DDX52: variants seen among roughly 807,000 people sequenced by gnomAD.
DDX52 encodes the protein DExD-box helicase 52, also known as probable ATP-dependent RNA helicase DDX52.
DDX52 carries 59 observed loss-of-function variants against 76.1 expected under a neutral mutation model. That is an observed-to-expected ratio of 0.78 (90% CI 0.63 to 0.96). The LOEUF is 0.96. Ranked by LOEUF, DDX52 falls within the 40% of genes least tolerant of loss-of-function variation. The probability of loss-of-function intolerance (pLI) is 0.00; values close to 1 mark genes in which losing one functional copy is unlikely to be tolerated. For synonymous variants in DDX52, 231 were observed against 244.1 expected (o/e 0.95, Z 0.50); for missense variants, 707 against 703.9 (o/e 1.00, Z -0.05).
chr17:37,631,082 A>C (rs1039173412), intron 4 of DDX52: 79 of 152,362 alleles, frequency 5.2e-4, no homozygotes, highest in African/African-American at 1.9e-3. Flanking sequence ...AAAGAAAATG[A>C]AAAGGACTAG....
Position 37,633,397 on chromosome 17 carries a change from CCTT to C in DDX52, c.305_307del (p.Glu102del), listed in dbSNP as rs753325165. The stretch of plus-strand genomic sequence containing the variant: ...AGATGACATCCACTGTATAGTAGCA[CCTT>C]CTTCTTGGGAAGCAATTTCTAAAAT... On this transcript the variant is annotated inframe_deletion, in exon 3 of 15. Transcript: ENST00000617633. 5.7e-6 allele frequency: 9 copies of C among 1,572,980 alleles called. 1 individual carries two copies. The highest frequency in any genetic ancestry group is 2.5e-5 in the South Asian group (2 of 81,022).
At chr17:37,636,436 A>G (rs2030930745) in intron 2 of DDX52, among the ~76,000 whole-genome samples, 2 of 152,310 alleles carry the variant, frequency 1.3e-5, no homozygotes, top group South Asian at 4.1e-4. Context: ...ATCTATATAT[A>G]AGGGGGTCTT....
chr17:37,641,964 A>G (rs1367445406), intron 2 of DDX52, 146 bp downstream of exon 2: 2 of 945,462 alleles, frequency 2.1e-6, no homozygotes, highest in African/African-American at 1.7e-5. Context: ...CTGTAACAAT[A>G]TTTCTAATGA....
chr17:37,626,949 C>A, intron 6 of DDX52, 89 bp from the exon 7 acceptor site: 1 of 1,030,158 alleles, frequency 9.7e-7, no homozygotes, highest in Non-Finnish European at 1.5e-6. Context: ...CAGTTAATAA[C>A]CTGAAGTGGG....
intron 7 of DDX52, among the ~76,000 whole-genome samples, chr17:37,626,346 C>T (rs963840699): frequency 6.6e-6 from 1 of 151,998 alleles, no homozygotes; most frequent in African/African-American, 2.4e-5. Context: ...GGGAGGTGAC[C>T]GGCTCATGGG....
intron 2 of DDX52, among the ~76,000 whole-genome samples, chr17:37,640,874 C>G (rs891613006): frequency 6.6e-6 from 1 of 151,964 alleles, no homozygotes; most frequent in African/African-American, 2.4e-5. Context: ...GTCCCAGCTA[C>G]TCAGGAGCCT....
At chr17:37,635,600 T>C (rs1014675985) in intron 2 of DDX52, 35 of 455,874 alleles carry the variant, frequency 7.7e-5, no homozygotes, top group Non-Finnish European at 1.2e-4. Flanking sequence ...CAGTTCATCA[T>C]TCACCTGATG....
intron 3 of DDX52, among the ~76,000 whole-genome samples, chr17:37,632,543 TTAAA>T (rs757420368): frequency 3.9e-5 from 6 of 152,236 alleles, no homozygotes; most frequent in Admixed American, 2.0e-4. Context: ...ACTTCTAACC[TTAAA>T]TAAACTTCTT....
intron 8 of DDX52, 133 bp from the exon 9 acceptor site, chr17:37,624,567 G>T: frequency 1.1e-5 from 5 of 474,690 alleles, no homozygotes; most frequent in South Asian, 1.2e-4. Flanking sequence ...AATAAGTACT[G>T]AATTATTTAT....
At chr17:37,641,633 A>C (rs1345369892) in intron 2 of DDX52, among the ~76,000 whole-genome samples, 1 of 152,012 alleles carries the variant, frequency 6.6e-6, no homozygotes, top group Non-Finnish European at 1.5e-5. Flanking sequence ...GCTACTCAGG[A>C]GGCTGAGGCA....
At chr17:37,624,855 CTG>C (rs1449028242) in intron 8 of DDX52, among the ~76,000 whole-genome samples, 1 of 151,948 alleles carries the variant, frequency 6.6e-6, no homozygotes, top group Non-Finnish European at 1.5e-5. Flanking sequence ...TATTAATACT[CTG>C]TAAGATGTTA....
Position 37,610,317 on chromosome 17 carries a change from T to C in DDX52, c.*3979A>G, listed in dbSNP as rs972495009. 1 of 129,720 alleles carries C rather than the reference T, an allele frequency of 7.7e-6. No homozygotes were observed. The highest frequency in any genetic ancestry group is 3.5e-5 in the African/African-American group (1 of 28,720). 8.0% of individuals were successfully genotyped at this position (129,720 alleles called of 1,614,324 possible). A position where few individuals can be genotyped will look rare whatever the true frequency, so the allele number is the denominator to read the frequency against. ...TTTTTTTTTTTTTTTTTTTTTTTTT[T>C]TTGTAGAGATAGGATCTATGTTGCC... is the stretch of plus-strand genomic sequence containing the variant. On this transcript the variant is annotated 3_prime_UTR_variant, in exon 15 of 15. Coordinates refer to ENST00000617633, the MANE Select transcript of DDX52 (RefSeq NM_007010.5).
chr17:37,614,657 CT>C (rs1261537026), intron 14 of DDX52, among the ~76,000 whole-genome samples: 1 of 152,270 alleles, frequency 6.6e-6, no homozygotes, highest in East Asian at 1.9e-4. Context: ...TTACTAAGTG[CT>C]TTACATGTAT....
rs576442612 is a variant in DDX52 at position 37,625,989 on chromosome 17, G to C, written c.1042C>G (p.Arg348Gly). 28 of 1,613,992 alleles carry C rather than the reference G, an allele frequency of 1.7e-5. No individual in the cohort carries two copies. Among genetic ancestry groups the C allele is most frequent in the Non-Finnish European group, 2.4e-5 (28 of 1,180,024 alleles). Residue 348 changes from arginine to glycine, a missense_variant, in exon 8 of 15, where the codon CGA (arginine) becomes GGA (glycine). Physicochemically the swap from Arg to Gly is moderately radical, Grantham distance 125. Coordinates refer to ENST00000617633, the MANE Select transcript of DDX52 (RefSeq NM_007010.5). ...IFLACTSHKV[R>G]RAMFSATFAY... ...AAAGTTGCACTGAACATAGCTCTTC[G>C]GACCTTGTGGGATGTGCAGGCCAGG... is the stretch of plus-strand genomic sequence containing the variant.
At position 37,613,374 on chromosome 17, in the gene DDX52, C is replaced by T. The variant is rs1206636864; in HGVS notation, c.*922G>A. 1 of 152,116 alleles carries T rather than the reference C, an allele frequency of 6.6e-6. No individual in the cohort carries two copies. The highest frequency in any genetic ancestry group is 1.9e-4 in the East Asian group (1 of 5,198). The allele number at this position is 152,116 out of a possible 1,614,324, so 9.4% of individuals were successfully genotyped here. A position where few individuals can be genotyped will look rare whatever the true frequency, so the allele number is the denominator to read the frequency against. ...TAAGAGAATGAAGACAGAGGTATAT[C>T]AAGTAACAAGAACATTCTTCCTTAT... On this transcript the variant is annotated 3_prime_UTR_variant, in exon 15 of 15. Coordinates refer to ENST00000617633, the MANE Select transcript of DDX52 (RefSeq NM_007010.5).
chr17:37,638,661 A>G (rs1451773030), intron 2 of DDX52, among the ~76,000 whole-genome samples: 1 of 152,214 alleles, frequency 6.6e-6, no homozygotes, highest in African/African-American at 2.4e-5. Flanking sequence ...TCTGAAAAAA[A>G]TTTTAGTTCC....
chr17:37,630,302 C>A, intron 4 of DDX52, 129 bp from the exon 5 acceptor site: 1 of 1,042,310 alleles, frequency 9.6e-7, no homozygotes, highest in Non-Finnish European at 1.3e-6. Context: ...TCTTTCAAGT[C>A]ATATCTGCTT....
rs1326825881 is a variant in DDX52 at position 37,614,050 on chromosome 17, G to A, written c.*246C>T. 2 of 415,990 alleles carry A rather than the reference G, an allele frequency of 4.8e-6. No individual in the cohort carries two copies. Among genetic ancestry groups the A allele is most frequent in the East Asian group, 8.5e-5 (2 of 23,518 alleles). The allele number at this position is 415,990 out of a possible 1,614,324, so 25.8% of individuals were successfully genotyped here. A position where few individuals can be genotyped will look rare whatever the true frequency, so the allele number is the denominator to read the frequency against. On this transcript the variant is annotated 3_prime_UTR_variant, in exon 15 of 15. Transcript: ENST00000617633. Reference sequence around the variant, plus strand: ...GGCTAAGGCAGGAGGATTGTGTGAGGTCAGGAGTTCAAGACCAGCCTGGAC... The same window carrying A: ...GGCTAAGGCAGGAGGATTGTGTGAGATCAGGAGTTCAAGACCAGCCTGGAC...
chr17:37,612,731 T>C lies in DDX52; in HGVS notation c.*1565A>G, dbSNP rs983539904. The C allele has an allele frequency of 1.3e-5, 2 of 152,194 alleles. No homozygotes were observed. Among genetic ancestry groups the C allele is most frequent in the African/African-American group, 4.8e-5 (2 of 41,444 alleles). 9.4% of individuals were successfully genotyped at this position (152,194 alleles called of 1,614,324 possible). On this transcript the variant is annotated 3_prime_UTR_variant, in exon 15 of 15. Transcript: ENST00000617633. The stretch of plus-strand genomic sequence containing the variant: ...CTGTATTCCTAACAAAATCTATGTT[T>C]AAGAAATATTTATTGTGAGTTTACT...
Sources: allele counts gnomAD v4.1 joint callset (sites outside exome capture counted in the v4.1 genomes callset), GRCh38; gene constraint gnomAD v4.1.1; transcripts MANE v1.5; gene names NCBI Gene and HGNC (gene_info 2026-07-23, HGNC 2026-07-21).